GLIS3: variants seen among roughly 807,000 people sequenced by gnomAD.
The protein encoded by GLIS3 is GLIS family zinc finger 3, also known as zinc finger protein GLIS3.
In GLIS3, 53 loss-of-function variants were observed where a neutral mutation model predicts 78.6. The observed-to-expected ratio is 0.67, with a 90% CI of 0.54 to 0.85. GLIS3 has a LOEUF of 0.85. Among genes scored for constraint, GLIS3 ranks in the 40% least tolerant of loss-of-function variants. The pLI is 0.00. For synonymous variants in GLIS3, 684 were observed against 509.9 expected (o/e 1.34, Z -4.60); for missense variants, 1,703 against 1,231.1 (o/e 1.38, Z -5.74).
At position 4,328,317 on chromosome 9, in the gene GLIS3, C is replaced by T. The variant is rs555956964; in HGVS notation, n.265-17789G>A. Among the ~76,000 whole-genome samples, 337 of 152,160 alleles carry T rather than the reference C, an allele frequency of 2.2e-3. 1 individual carries two copies. Among genetic ancestry groups the T allele is most frequent in the Non-Finnish European group, 2.8e-3 (193 of 68,026 alleles). On this transcript the variant is annotated intron_variant and non_coding_transcript_variant, in intron 2 of 4. Transcript: ENST00000471664. ...TGAAGAAGAGCTTGGTCACAGCTCC[C>T]CCTGAAGTTCCAGTTGAACAAAACC... is the stretch of plus-strand genomic sequence containing the variant.
At chr9:4,360,281 A>T in the GLIS3 span, among the ~76,000 whole-genome samples, 1 of 152,196 alleles carries the variant, frequency 6.6e-6, no homozygotes, top group Non-Finnish European at 1.5e-5. Context: ...GAAGAGGAGC[A>T]GCAACAAAAG....
the GLIS3 span, among the ~76,000 whole-genome samples, chr9:4,488,572 T>C: frequency 6.6e-6 from 1 of 151,772 alleles, no homozygotes; most frequent in Non-Finnish European, 1.5e-5. Flanking sequence ...CAGGCAGGAG[T>C]GCTGCAGCGT....
At chr9:4,156,967 G>A (rs1172580991) in intron 2 of GLIS3, among the ~76,000 whole-genome samples, 1 of 152,128 alleles carries the variant, frequency 6.6e-6, no homozygotes, top group Non-Finnish European at 1.5e-5. Context: ...CAGAAACCTG[G>A]GGGTAGGGTC....
the GLIS3 span, among the ~76,000 whole-genome samples, chr9:4,434,690 T>G: frequency 2.0e-5 from 3 of 152,220 alleles, no homozygotes; most frequent in African/African-American, 7.2e-5. Context: ...TGTAAGCCAG[T>G]TCTTCTTCCT....
At chr9:4,298,566 G>A (rs973665005) in intron 1 of GLIS3, 4 of 314,836 alleles carry the variant, frequency 1.3e-5, no homozygotes, top group Admixed American at 3.9e-5. Context: ...AGAGCGACCC[G>A]GGCCGACTTC....
rs962671297 is a variant in GLIS3, at chr9:4,260,695, G to A, written c.388+25343C>T. Among the ~76,000 whole-genome samples the A allele has an allele frequency of 2.2e-4, 33 of 151,706 alleles. 1 individual carries two copies. The highest frequency in any genetic ancestry group is 1.7e-3 in the Admixed American group (26 of 15,238). ...CGGGAGGCGGAGGTTGCAGTGAGCCGAGATCGTGCCACTGTACTCCAGCCT... is the reference window on the plus strand; with the variant it reads ...CGGGAGGCGGAGGTTGCAGTGAGCCAAGATCGTGCCACTGTACTCCAGCCT... On this transcript the variant is annotated intron_variant, in intron 2 of 10. Coordinates refer to ENST00000381971, the MANE Select transcript of GLIS3 (RefSeq NM_001042413.2).
At chr9:4,092,943 C>T (rs891117339) in intron 4 of GLIS3, among the ~76,000 whole-genome samples, 5 of 152,176 alleles carry the variant, frequency 3.3e-5, no homozygotes, top group Non-Finnish European at 7.3e-5. Context: ...GAATCACCCC[C>T]ATGCACGTGA....
At chr9:4,271,821 T>C (rs1404728196) in intron 2 of GLIS3, among the ~76,000 whole-genome samples, 2 of 152,148 alleles carry the variant, frequency 1.3e-5, no homozygotes, top group African/African-American at 4.8e-5. Flanking sequence ...ATCCCAACAG[T>C]ACATAGTAAG....
At chr9:3,870,386 T>A (rs1820894699) in intron 8 of GLIS3, among the ~76,000 whole-genome samples, 1 of 152,150 alleles carries the variant, frequency 6.6e-6, no homozygotes, top group Non-Finnish European at 1.5e-5. Flanking sequence ...AAATTAAAAA[T>A]TTTCTTGAAA....
At chr9:4,447,688 G>C in the GLIS3 span, among the ~76,000 whole-genome samples, 1 of 152,156 alleles carries the variant, frequency 6.6e-6, no homozygotes, top group African/African-American at 2.4e-5. Context: ...TTTGCTGAAA[G>C]AGATGCTGAA....
the GLIS3 span, among the ~76,000 whole-genome samples, chr9:4,374,615 C>A: frequency 6.6e-6 from 1 of 152,214 alleles, no homozygotes; most frequent in Non-Finnish European, 1.5e-5. Flanking sequence ...CTGTGTGGTT[C>A]CGACAAGGCT....
chr9:4,299,222 G>A (rs970374255), intron 1 of GLIS3, among the ~76,000 whole-genome samples, 199 bp downstream of exon 1: 15 of 152,194 alleles, frequency 9.9e-5, no homozygotes, highest in Non-Finnish European at 1.5e-5. Flanking sequence ...CTCAGTCAGC[G>A]CAGGTCTCTC....
At chr9:4,298,350 G>T (rs929384298) in intron 1 of GLIS3, 8 of 455,774 alleles carry the variant, frequency 1.8e-5, no homozygotes, top group African/African-American at 1.6e-4. Flanking sequence ...CGCGGAGCCA[G>T]AAACCCTTCC....
the GLIS3 span, among the ~76,000 whole-genome samples, chr9:4,469,811 C>T: frequency 6.6e-6 from 1 of 152,004 alleles, no homozygotes; most frequent in African/African-American, 2.4e-5. Context: ...GAGATAGAGA[C>T]ACAAAATCCC....
intron 2 of GLIS3, among the ~76,000 whole-genome samples, chr9:4,311,017 G>A (rs1817343181): frequency 6.6e-6 from 1 of 152,156 alleles, no homozygotes; most frequent in South Asian, 2.1e-4. Context: ...GAGGGCAGTG[G>A]GCAACTTCTA....
chr9:4,481,298 A>C, the GLIS3 span, among the ~76,000 whole-genome samples: 1 of 152,142 alleles, frequency 6.6e-6, no homozygotes, highest in African/African-American at 2.4e-5. Flanking sequence ...AGCCTGGCCA[A>C]CATGGTGAAA....
At chr9:3,849,802 A>G (rs1399845190) in intron 9 of GLIS3, among the ~76,000 whole-genome samples, 2 of 152,080 alleles carry the variant, frequency 1.3e-5, no homozygotes, top group East Asian at 3.9e-4. Flanking sequence ...CCAGCTACTC[A>G]GGAGGCTGAG....
chr9:3,886,824 G>T (rs940284667), intron 7 of GLIS3, among the ~76,000 whole-genome samples: 2 of 152,184 alleles, frequency 1.3e-5, no homozygotes, highest in Non-Finnish European at 1.5e-5. Flanking sequence ...GGGTCACTTG[G>T]AAGGCTGCGT....
At position 4,118,541 on chromosome 9, in the gene GLIS3, C is replaced by G. The variant is rs368943263; in HGVS notation, c.937G>C (p.Gly313Arg). 4 of 1,614,108 alleles carry G rather than the reference C, an allele frequency of 2.5e-6. No individual in the cohort carries two copies. Among genetic ancestry groups the G allele is most frequent in the African/African-American group, 1.3e-5 (1 of 74,940 alleles). The part of the protein sequence containing the change: ...LSLSPLSDGI[G>R]IDFNTIIRTS... ...CGGATGATGGTATTGAAATCTATCC[C>G]GATGCCATCGGACAGCGGGGACAAG... The change falls in exon 4 of 11, where the codon GGG (glycine) becomes CGG (arginine). Residue 313 changes from glycine to arginine, a missense_variant. By Grantham distance (125) the Gly-to-Arg change is moderately radical. Coordinates refer to ENST00000381971, the MANE Select transcript of GLIS3 (RefSeq NM_001042413.2). This position sits in a 1 kb window ranked among gnomAD's most constrained non-coding sequence, Gnocchi z 4.7.
Sources: allele counts gnomAD v4.1 joint callset (sites outside exome capture counted in the v4.1 genomes callset), GRCh38; gene constraint gnomAD v4.1.1; non-coding constraint Gnocchi (gnomAD v3.1); transcripts MANE v1.5; gene names NCBI Gene and HGNC (gene_info 2026-07-23, HGNC 2026-07-21).